The following LMBRD1 variants were observed in gnomAD, a reference collection of about 807,000 sequenced individuals.
The protein encoded by LMBRD1 is lysosomal cobalamin transport escort protein LMBD1.
Under a neutral mutation model 74.8 loss-of-function variants are expected in LMBRD1, and 64 were observed. That is an observed-to-expected ratio of 0.86 (90% CI 0.70 to 1.05). LMBRD1 has a LOEUF of 1.05. Ranked by LOEUF, LMBRD1 falls within the 50% of genes least tolerant of loss-of-function variation. The pLI, the probability that LMBRD1 is intolerant of heterozygous loss-of-function variation, is 0.00. For missense variants in LMBRD1, 652 were observed against 645.9 expected (o/e 1.01, Z -0.10); for synonymous variants, 204 against 216.3 (o/e 0.94, Z 0.50).
intron 3 of LMBRD1, among the ~76,000 whole-genome samples, chr6:69,767,203 A>G (rs1199195736): frequency 6.7e-6 from 1 of 149,964 alleles, no homozygotes; most frequent in Non-Finnish European, 1.5e-5. Context: ...TCTGTTTTCT[A>G]TTTCATTGAT....
chr6:69,740,449 T>C (rs904784254), intron 6 of LMBRD1, among the ~76,000 whole-genome samples: 4 of 152,042 alleles, frequency 2.6e-5, no homozygotes, highest in Non-Finnish European at 4.4e-5. Context: ...TCTAAAGGAG[T>C]TAACTCCAAG....
chr6:69,716,588 T>C (rs879877979), intron 8 of LMBRD1, among the ~76,000 whole-genome samples: 48 of 152,288 alleles, frequency 3.2e-4, no homozygotes, highest in Non-Finnish European at 5.1e-4. Context: ...TCAGTAGAGC[T>C]AGATTTTGAA....
intron 1 of LMBRD1, among the ~76,000 whole-genome samples, chr6:69,795,196 T>C (rs962406016): frequency 1.3e-5 from 2 of 152,236 alleles, no homozygotes; most frequent in Non-Finnish European, 2.9e-5. Flanking sequence ...TAAACAAAAG[T>C]CCTTCTTCCT....
At chr6:69,781,198 T>C (rs757530663) in intron 2 of LMBRD1, among the ~76,000 whole-genome samples, 1 of 152,102 alleles carries the variant, frequency 6.6e-6, no homozygotes, top group Admixed American at 6.6e-5. Flanking sequence ...CACACAAGGG[T>C]TGTTCGAATT....
At chr6:69,791,177 G>A (rs868866688) in intron 1 of LMBRD1, among the ~76,000 whole-genome samples, 6 of 152,158 alleles carry the variant, frequency 3.9e-5, no homozygotes, top group Non-Finnish European at 7.4e-5. Flanking sequence ...ATTCTCTAAC[G>A]TTAGGAGGCA....
intron 3 of LMBRD1, among the ~76,000 whole-genome samples, chr6:69,778,912 G>A (rs1027690284): frequency 6.6e-6 from 1 of 152,152 alleles, no homozygotes. Context: ...ATGGGGCAGG[G>A]CACGGTGCCT....
In LMBRD1 at chr6:69,790,277, AAAGT is replaced by A. The variant is rs1766050251; in HGVS notation, c.246+15_246+18del. The A allele has an allele frequency of 6.4e-7, 1 of 1,568,288 alleles. No homozygotes were observed. Among genetic ancestry groups the A allele is most frequent in the South Asian group, 1.1e-5 (1 of 89,578 alleles). Reference sequence around the variant, plus strand: ...AAATTTGAAAGGAAAAAAAATCTGCAAAGTAAGATTATATTTACCTTAAATGTAC... The same window carrying A: ...AAATTTGAAAGGAAAAAAAATCTGCAAAGATTATATTTACCTTAAATGTAC... On this transcript the variant is annotated intron_variant, in intron 2 of 15. Transcript: ENST00000649934.
At chr6:69,755,162 A>G (rs4533950) in intron 3 of LMBRD1, among the ~76,000 whole-genome samples, 54,824 of 152,068 alleles carry the variant, frequency 0.36, 10,473 homozygotes, top group East Asian at 0.54. Flanking sequence ...TTACAATAGC[A>G]AAGACTTGGA....
intron 1 of LMBRD1, among the ~76,000 whole-genome samples, chr6:69,793,198 T>TC (rs1013551764): frequency 6.6e-6 from 1 of 151,994 alleles, no homozygotes; most frequent in Non-Finnish European, 1.5e-5. Context: ...TTTCAAATAG[T>TC]CCCCCCAGCT....
rs181417298 is a variant in LMBRD1 at position 69,711,635 on chromosome 6, T to A, written c.915+2010A>T. 2.3e-3 allele frequency among the ~76,000 whole-genome samples: 350 copies of A among 152,262 alleles called. 2 individuals are homozygous for A. The highest frequency in any genetic ancestry group is 0.017 in the Middle Eastern group (5 of 294). On this transcript the variant is annotated intron_variant, in intron 9 of 15. Coordinates refer to ENST00000649934, the MANE Select transcript of LMBRD1 (RefSeq NM_018368.4). ...AACTGGGATGAATTTTTTAAAAATTTATTCTAACAGAAGATTTAAAAAGTG... is the reference window on the plus strand; with the variant it reads ...AACTGGGATGAATTTTTTAAAAATTAATTCTAACAGAAGATTTAAAAAGTG...
chr6:69,789,914 C>T (rs1236661993), intron 2 of LMBRD1, among the ~76,000 whole-genome samples: 1 of 152,210 alleles, frequency 6.6e-6, no homozygotes, highest in Non-Finnish European at 1.5e-5. Context: ...CAGCCTAATT[C>T]ACTACACCAT....
chr6:69,763,378 A>G (rs1051556215), intron 3 of LMBRD1, among the ~76,000 whole-genome samples: 5 of 152,188 alleles, frequency 3.3e-5, no homozygotes, highest in Non-Finnish European at 1.5e-5. Flanking sequence ...AGATTAGTGA[A>G]GATATGAACC....
chr6:69,730,982 G>A (rs375502137), intron 7 of LMBRD1, among the ~76,000 whole-genome samples: 1 of 152,168 alleles, frequency 6.6e-6, no homozygotes, highest in East Asian at 1.9e-4. Flanking sequence ...CCAGAGATAA[G>A]AATAGAACAC....
intron 2 of LMBRD1, among the ~76,000 whole-genome samples, chr6:69,782,696 AAAG>A (rs1483691178): frequency 1.3e-5 from 2 of 152,014 alleles, no homozygotes; most frequent in African/African-American, 4.8e-5. Flanking sequence ...ACAAAAAAAA[AAAG>A]AGAGAGAGAG....
intron 7 of LMBRD1, among the ~76,000 whole-genome samples, chr6:69,736,978 A>T (rs1424038716): frequency 6.6e-6 from 1 of 152,144 alleles, no homozygotes; most frequent in African/African-American, 2.4e-5. Flanking sequence ...GAATAATAAA[A>T]CTGAGTACCC....
intron 7 of LMBRD1, among the ~76,000 whole-genome samples, chr6:69,721,517 G>A (rs1166830824): frequency 1.3e-5 from 2 of 152,100 alleles, no homozygotes; most frequent in Non-Finnish European, 2.9e-5. Flanking sequence ...GGGTAGTCAG[G>A]ATTGATTACC....
At chr6:69,754,309 AT>A (rs1372572810) in intron 3 of LMBRD1, among the ~76,000 whole-genome samples, 1 of 152,194 alleles carries the variant, frequency 6.6e-6, no homozygotes, top group African/African-American at 2.4e-5. Context: ...GAAAAAATGC[AT>A]GTTAGTAATG....
At chr6:69,731,436 C>A (rs539529024) in intron 7 of LMBRD1, among the ~76,000 whole-genome samples, 2 of 152,100 alleles carry the variant, frequency 1.3e-5, no homozygotes, top group South Asian at 2.1e-4. Context: ...AATGTGTATA[C>A]CTATTATGTA....
At chr6:69,750,859 A>G (rs1171759349) in intron 4 of LMBRD1, among the ~76,000 whole-genome samples, 3 of 152,150 alleles carry the variant, frequency 2.0e-5, no homozygotes, top group Non-Finnish European at 4.4e-5. Context: ...GAGTCATTTA[A>G]AATACTGTTA....
Sources: gnomAD v4.1 joint callset for allele counts (sites outside exome capture counted in the v4.1 genomes callset) on GRCh38, gnomAD v4.1.1 for gene constraint, MANE v1.5 for transcripts, NCBI Gene and HGNC (gene_info 2026-07-23, HGNC 2026-07-21) for gene names.